KLHL29: variants seen among roughly 807,000 people sequenced by gnomAD.
KLHL29 encodes the protein kelch like family member 29.
In KLHL29, 21 loss-of-function variants were observed where a neutral mutation model predicts 80.4. That is an observed-to-expected ratio of 0.26 (90% CI 0.19 to 0.38). The LOEUF (loss-of-function observed/expected upper bound fraction) is 0.38, where lower values mean the gene tolerates loss of function less well. KLHL29 is among the 10% of genes least tolerant of loss of function. The pLI, the probability that KLHL29 is intolerant of heterozygous loss-of-function variation, is 1.00. For synonymous variants in KLHL29, 511 were observed against 526.8 expected, an observed-to-expected ratio of 0.97 and a Z score of 0.41; for missense variants, 867 against 1,223.9, an observed-to-expected ratio of 0.71 and a Z score of 4.35.
chr2:23,703,732 C>T lies in KLHL29; in HGVS notation c.2313C>T (p.Ala771=). ...IESPMIDNKY[A]PAVTLNGFVF... is the part of the protein sequence containing the mutation. The stretch of plus-strand genomic sequence containing the variant: ...CTCTCCTCACAGACAACAAGTATGC[C>T]CCCGCTGTCACGCTCAATGGCTTCG... Residue 771 remains alanine, a synonymous_variant, in exon 13 of 14, where the codon GCC becomes GCT. Coordinates refer to ENST00000486442, the MANE Select transcript of KLHL29 (RefSeq NM_052920.2). 2 of 1,536,620 alleles carry T rather than the reference C, an allele frequency of 1.3e-6. No individual in the cohort carries two copies. The highest frequency in any genetic ancestry group is 1.7e-6 in the Non-Finnish European group (2 of 1,146,558).
intron 5 of KLHL29, among the ~76,000 whole-genome samples, chr2:23,665,107 T>C (rs1670517998): frequency 1.3e-5 from 2 of 152,250 alleles, no homozygotes; most frequent in Admixed American, 1.3e-4. Context: ...GAGAATGTTC[T>C]GAGTGTGAGA....
At chr2:23,439,386 CT>C (rs1229663565) in intron 1 of KLHL29, among the ~76,000 whole-genome samples, 1 of 151,816 alleles carries the variant, frequency 6.6e-6, no homozygotes, top group African/African-American at 2.4e-5. Flanking sequence ...TTTTCTAGTT[CT>C]TTTAATTGTG....
chr2:23,640,661 T>C (rs1669742307), intron 4 of KLHL29, among the ~76,000 whole-genome samples: 1 of 152,190 alleles, frequency 6.6e-6, no homozygotes, highest in Admixed American at 6.5e-5. Flanking sequence ...CCCCGACCTC[T>C]CTCGTTATCA....
At chr2:23,452,543 G>A (rs1338022386) in intron 1 of KLHL29, among the ~76,000 whole-genome samples, 1 of 152,090 alleles carries the variant, frequency 6.6e-6, no homozygotes, top group African/African-American at 2.4e-5. Flanking sequence ...AAATAGTTCT[G>A]GGAACGTCAC....
In KLHL29 at chr2:23,642,845, C is replaced by T; in HGVS notation, c.935C>T (p.Pro312Leu). 1 of 1,550,470 alleles carries T rather than the reference C, an allele frequency of 6.4e-7. No homozygotes were observed. Among genetic ancestry groups the T allele is most frequent in the Non-Finnish European group, 8.7e-7 (1 of 1,146,884 alleles). ...GKYEFTDPGH[P>L]REMLKELNQQ... ...TATGAGTTCACCGACCCGGGGCACC[C>T]CAGAGGTAAGTCCTGCTGCCACGTG... Residue 312 changes from proline (P) to leucine (L), a missense_variant, in exon 5 of 14, where the codon CCC becomes CTC. Physicochemically the swap from Pro to Leu is moderately conservative, Grantham distance 98. Around this residue, in one of 2 missense-constraint regions of KLHL29, gnomAD observed 424 missense variants for 456.9 expected, o/e 0.93. Coordinates refer to ENST00000486442, the MANE Select transcript of KLHL29 (RefSeq NM_052920.2).
chr2:23,593,767 A>G (rs1050517137), intron 3 of KLHL29, among the ~76,000 whole-genome samples: 1 of 152,290 alleles, frequency 6.6e-6, no homozygotes, highest in South Asian at 2.1e-4. Context: ...TACAGTTTAG[A>G]TATCTCAGCC....
chr2:23,603,528 G>A (rs558323734), intron 3 of KLHL29, among the ~76,000 whole-genome samples: 3 of 152,314 alleles, frequency 2.0e-5, no homozygotes, highest in East Asian at 3.9e-4. Context: ...TCCAGGTGGG[G>A]TCTGAGGCCC....
At chr2:23,654,547 C>T (rs988065955) in intron 5 of KLHL29, among the ~76,000 whole-genome samples, 1 of 152,142 alleles carries the variant, frequency 6.6e-6, no homozygotes, top group Non-Finnish European at 1.5e-5. Flanking sequence ...TGTGTGGCCT[C>T]CCCCTGGGTC....
At chr2:23,543,673 C>G (rs1666905047) in intron 2 of KLHL29, among the ~76,000 whole-genome samples, 1 of 152,232 alleles carries the variant, frequency 6.6e-6, no homozygotes, top group African/African-American at 2.4e-5. Context: ...CCATCGGTTT[C>G]TGGGACGGCT....
chr2:23,638,563 C>G (rs115866025), intron 3 of KLHL29, among the ~76,000 whole-genome samples: 1 of 152,202 alleles, frequency 6.6e-6, no homozygotes, highest in African/African-American at 2.4e-5. Context: ...CTCCCCACTT[C>G]CCCACACTTC....
In KLHL29 at chr2:23,684,960, G is replaced by A. The variant is rs185680805; in HGVS notation, c.1079+423G>A. ...CAGTGCCATCGTCCCTGCTGTCGGT[G>A]GTGACTAATGCCAGGAAAGCGCATC... On this transcript the variant is annotated intron_variant, in intron 6 of 13. Coordinates refer to ENST00000486442, the MANE Select transcript of KLHL29 (RefSeq NM_052920.2). This position sits in a 1 kb window ranked among gnomAD's most constrained non-coding sequence, Gnocchi z 4.4. Among the ~76,000 whole-genome samples, 3 of 152,330 alleles carry A rather than the reference G, an allele frequency of 2.0e-5. No homozygotes were observed. Among genetic ancestry groups the A allele is most frequent in the East Asian group, 1.9e-4 (1 of 5,182 alleles).
intron 1 of KLHL29, among the ~76,000 whole-genome samples, chr2:23,450,258 G>A (rs11890645): frequency 0.15 from 22,200 of 152,082 alleles, 2,770 homozygotes; most frequent in African/African-American, 0.32. Flanking sequence ...AGGTCATGCC[G>A]CTTAGCTGGG....
chr2:23,461,729 A>AG (rs973548689), intron 1 of KLHL29, among the ~76,000 whole-genome samples: 2 of 86,968 alleles, frequency 2.3e-5, no homozygotes, highest in African/African-American at 4.4e-5. Flanking sequence ...CTGGGGGGGC[A>AG]GGGGGGCGGG....
chr2:23,541,085 A>C (rs1249359907), intron 2 of KLHL29, among the ~76,000 whole-genome samples: 2 of 152,244 alleles, frequency 1.3e-5, no homozygotes. Context: ...ACTATCAGAT[A>C]AAGGAGGGAA....
At chr2:23,525,977 G>A (rs978215299) in intron 2 of KLHL29, among the ~76,000 whole-genome samples, 3 of 152,304 alleles carry the variant, frequency 2.0e-5, no homozygotes, top group Admixed American at 1.3e-4. Context: ...GGCAAGTCAC[G>A]TCCCTGACAT....
chr2:23,564,865 C>A (rs984908721), intron 3 of KLHL29, among the ~76,000 whole-genome samples: 3 of 152,238 alleles, frequency 2.0e-5, no homozygotes, highest in Admixed American at 2.0e-4. Flanking sequence ...GAATGTCTCT[C>A]CCCCTGAAGT....
chr2:23,679,664 G>A (rs190629575), intron 5 of KLHL29, among the ~76,000 whole-genome samples: 10 of 145,336 alleles, frequency 6.9e-5, no homozygotes, highest in Admixed American at 3.4e-4. Flanking sequence ...ATAAAAATAT[G>A]AATAAAACAT....
chr2:23,546,726 G>A (rs1666988236), intron 2 of KLHL29, among the ~76,000 whole-genome samples: 1 of 152,186 alleles, frequency 6.6e-6, no homozygotes, highest in South Asian at 2.1e-4. Context: ...CCCCAAGACT[G>A]GGGTACCCCA....
In KLHL29 at chr2:23,596,626, C is replaced by A. The variant is rs1052047742; in HGVS notation, c.285+34145C>A. Among the ~76,000 whole-genome samples the A allele has an allele frequency of 5.9e-5, 9 of 152,156 alleles. No individual in the cohort carries two copies. Among genetic ancestry groups the A allele is most frequent in the Non-Finnish European group, 1.0e-4 (7 of 68,032 alleles). On this transcript the variant is annotated intron_variant, in intron 3 of 13. Transcript: ENST00000486442. This position sits in a 1 kb window ranked among gnomAD's most constrained non-coding sequence, Gnocchi z 4.4. Reference sequence around the variant, plus strand: ...GGCGGGAACACATCATGTCTGGGGACGTATGCTGCCATCGTGGGAATGTGC... The same window carrying A: ...GGCGGGAACACATCATGTCTGGGGAAGTATGCTGCCATCGTGGGAATGTGC...
Sources: allele counts gnomAD v4.1 joint callset (sites outside exome capture counted in the v4.1 genomes callset), GRCh38; gene constraint gnomAD v4.1.1; regional missense constraint gnomAD v4.1.1; non-coding constraint Gnocchi (gnomAD v3.1); transcripts MANE v1.5; gene names NCBI Gene and HGNC (gene_info 2026-07-23, HGNC 2026-07-21).